The following GPM6B variants were observed in gnomAD, a reference collection of about 807,000 sequenced individuals.
GPM6B encodes the protein glycoprotein M6B.
Under a neutral mutation model 27.2 loss-of-function variants are expected in GPM6B, and 4 were observed. That is an observed-to-expected ratio of 0.15 (90% CI 0.07 to 0.34). GPM6B has a LOEUF of 0.34. Among genes scored for constraint, GPM6B ranks in the 10% least tolerant of loss-of-function variants. The pLI, the probability that GPM6B is intolerant of heterozygous loss-of-function variation, is 1.00. For synonymous variants in GPM6B, 124 were observed against 103.1 expected, an observed-to-expected ratio of 1.20 and a Z score of -1.23; for missense variants, 183 against 261.9, an observed-to-expected ratio of 0.70 and a Z score of 2.08.
upstream of GPM6B, among the ~76,000 whole-genome samples, chrX:13,820,700 C>T (rs1041456485): frequency 6.3e-5 from 7 of 111,657 alleles, no homozygotes; most frequent in Admixed American, 1.9e-4. Flanking sequence ...CGACTCAACA[C>T]TGTTATTCAC....
upstream of GPM6B, chrX:13,938,486 G>T: frequency 3.2e-6 from 3 of 940,953 alleles, no homozygotes; most frequent in African/African-American, 2.0e-5. Context: ...GCCGTGGCGC[G>T]CAGCCAGCGC....
intron 1 of GPM6B, among the ~76,000 whole-genome samples, chrX:13,905,588 T>C (rs1322517896): frequency 9.0e-6 from 1 of 111,667 alleles, no homozygotes; most frequent in African/African-American, 3.3e-5. Context: ...TAGTACAACA[T>C]GAAGATGACC....
intron 2 of GPM6B, among the ~76,000 whole-genome samples, chrX:13,797,112 A>G (rs906602231): frequency 8.9e-6 from 1 of 112,226 alleles, no homozygotes; most frequent in Non-Finnish European, 1.9e-5. Flanking sequence ...TTCCTTGACC[A>G]TCTGGGCGAC....
intron 1 of GPM6B, among the ~76,000 whole-genome samples, chrX:13,921,335 TTA>T (rs755446688): frequency 6.3e-5 from 7 of 111,996 alleles, no homozygotes; most frequent in African/African-American, 1.6e-4. Flanking sequence ...TTCCTACAGG[TTA>T]TATGTTTTAA....
Position 13,803,795 on chromosome X carries a change from C to G in GPM6B, c.181+3855G>C, listed in dbSNP as rs772178668. Among the ~76,000 whole-genome samples the G allele has an allele frequency of 4.5e-5, 5 of 111,592 alleles. No homozygotes were observed. In the East Asian group the frequency reaches 1.1e-3, roughly 25 times the overall value. On this transcript the variant is annotated intron_variant, in intron 2 of 7. Coordinates refer to ENST00000316715, the MANE Select transcript of GPM6B (RefSeq NM_001001995.3). The stretch of plus-strand genomic sequence containing the variant: ...CAAACCTTTCTCACCTTCACTGCCC[C>G]TTCCCCAAACCCCCTCATGAGACAA...
chrX:13,802,349 G>A (rs1603020549), intron 2 of GPM6B, among the ~76,000 whole-genome samples: 1 of 110,831 alleles, frequency 9.0e-6, no homozygotes, highest in African/African-American at 3.3e-5. Context: ...TGCTTTCTCT[G>A]TCTGCCTACT....
chrX:13,878,516 T>C (rs1461825014), intron 1 of GPM6B, among the ~76,000 whole-genome samples: 1 of 111,885 alleles, frequency 8.9e-6, no homozygotes, highest in Non-Finnish European at 1.9e-5. Flanking sequence ...TTCACATGTA[T>C]CTCCTGTAAT....
chrX:13,938,524 C>A, upstream of GPM6B: 1 of 918,684 alleles, frequency 1.1e-6, no homozygotes, highest in Non-Finnish European at 1.4e-6. Context: ...TGGAGACTGG[C>A]GGGAGGGGTG....
intron 1 of GPM6B, among the ~76,000 whole-genome samples, chrX:13,826,465 G>A (rs2049373543): frequency 9.0e-6 from 1 of 111,432 alleles, no homozygotes; most frequent in Admixed American, 9.5e-5. Context: ...CAGCACTTTG[G>A]GAGGTCAAGG....
upstream of GPM6B, among the ~76,000 whole-genome samples, chrX:13,821,460 G>A (rs773323655): frequency 1.5e-3 from 171 of 112,600 alleles, no homozygotes; most frequent in African/African-American, 5.3e-3. Context: ...CAAGGTGAGG[G>A]AATCCCATGT....
chrX:13,801,565 C>T (rs2048921744), intron 2 of GPM6B, among the ~76,000 whole-genome samples: 1 of 112,078 alleles, frequency 8.9e-6, no homozygotes, highest in African/African-American at 3.2e-5. Context: ...CTCAACTCTG[C>T]TAGTGGAGTA....
At chrX:13,832,087 A>AG (rs1412617188) in intron 1 of GPM6B, among the ~76,000 whole-genome samples, 1 of 107,919 alleles carries the variant, frequency 9.3e-6, no homozygotes, top group East Asian at 2.9e-4. Flanking sequence ...TTTTACAATT[A>AG]AAAAAACAGG....
chrX:13,800,265 A>T (rs1289109272), intron 2 of GPM6B, among the ~76,000 whole-genome samples: 2 of 112,170 alleles, frequency 1.8e-5, no homozygotes, highest in African/African-American at 6.5e-5. Flanking sequence ...TCCTGCCAGT[A>T]GCCACATGAA....
intron 7 of GPM6B, chrX:13,773,952 C>CCTTTTTT (rs2048354470): frequency 1.8e-6 from 1 of 563,691 alleles, no homozygotes. Flanking sequence ...ACATATAAAT[C>CCTTTTTT]CTTTTTTTTT....
intron 1 of GPM6B, among the ~76,000 whole-genome samples, chrX:13,899,149 G>A (rs917955090): frequency 9.0e-6 from 1 of 110,664 alleles, no homozygotes; most frequent in Non-Finnish European, 1.9e-5. Flanking sequence ...GGTGGCTCAT[G>A]CCTGTAATCC....
intron 1 of GPM6B, among the ~76,000 whole-genome samples, chrX:13,885,174 G>A (rs995667431): frequency 1.5e-4 from 17 of 111,806 alleles, no homozygotes; most frequent in Non-Finnish European, 3.0e-4. Flanking sequence ...CTGTGCATAA[G>A]TAAAATTATC....
intron 1 of GPM6B, among the ~76,000 whole-genome samples, chrX:13,896,233 T>C (rs768266344): frequency 1.9e-5 from 2 of 104,734 alleles, no homozygotes; most frequent in Admixed American, 1.0e-4. Context: ...AAAAAGTAAA[T>C]AATATACAGC....
chrX:13,816,620 G>A lies in GPM6B; in HGVS notation c.61+224C>T, dbSNP rs1323096269. ...TGACAAACTATAGACATCCCTCTATGAAATATCACGTCGGTAGAAAGATTT... is the reference window on the plus strand; with the variant it reads ...TGACAAACTATAGACATCCCTCTATAAAATATCACGTCGGTAGAAAGATTT... On this transcript the variant is annotated intron_variant, in intron 1 of 7. Coordinates refer to ENST00000316715, the MANE Select transcript of GPM6B (RefSeq NM_001001995.3). Among the ~76,000 whole-genome samples the A allele has an allele frequency of 3.1e-4, 35 of 111,291 alleles. No individual in the cohort carries two copies. In the Admixed American group the frequency reaches 3.3e-3, roughly 11 times the overall value.
chrX:13,796,196 A>AT (rs1196564558), intron 2 of GPM6B, among the ~76,000 whole-genome samples: 1 of 111,624 alleles, frequency 9.0e-6, no homozygotes, highest in Non-Finnish European at 1.9e-5. Context: ...AAGTGCTGAG[A>AT]TTACAGGTGT....
Sources: gnomAD v4.1 joint callset for allele counts (sites outside exome capture counted in the v4.1 genomes callset) on GRCh38, gnomAD v4.1.1 for gene constraint, MANE v1.5 for transcripts, NCBI Gene and HGNC (gene_info 2026-07-23, HGNC 2026-07-21) for gene names.